The following FLRT2 variants were observed in gnomAD, a reference collection of about 807,000 sequenced individuals.
The protein encoded by FLRT2 is leucine-rich repeat transmembrane protein FLRT2.
A neutral mutation model predicts 40.0 loss-of-function variants in FLRT2; 15 were observed. The observed-to-expected ratio is 0.38, with a 90% CI of 0.25 to 0.58. The LOEUF is 0.58. Among genes scored for constraint, FLRT2 ranks in the 20% least tolerant of loss-of-function variants. The pLI is 0.71. For synonymous variants in FLRT2, 380 were observed against 336.8 expected (o/e 1.13, Z -1.41); for missense variants, 726 against 840.0 (o/e 0.86, Z 1.68).
Position 85,632,136 on chromosome 14 carries a change from T to C in FLRT2, c.*8639T>C, listed in dbSNP as rs1893892219. 6.6e-6 allele frequency: 1 copy of C among 151,518 alleles called. No homozygotes were observed. The highest frequency in any genetic ancestry group is 6.6e-5 in the Admixed American group (1 of 15,196). 9.4% of individuals were successfully genotyped at this position (151,518 alleles called of 1,614,324 possible). On this transcript the variant is annotated 3_prime_UTR_variant, in exon 2 of 2. Transcript: ENST00000330753. ...CCACTGCGCCCAGCCAAGAACATCC[T>C]TTTTATATATTACAGACAAACTCAA...
intron 1 of FLRT2, among the ~76,000 whole-genome samples, chr14:85,581,149 C>T (rs118080258): frequency 0.011 from 1,604 of 152,252 alleles, 8 homozygotes; most frequent in South Asian, 0.014. Flanking sequence ...GAAATTTGCG[C>T]GACCGCCCAC....
intron 1 of FLRT2, among the ~76,000 whole-genome samples, chr14:85,537,225 C>A (rs2139803250): frequency 6.6e-6 from 1 of 152,132 alleles, no homozygotes; most frequent in African/African-American, 2.4e-5. Flanking sequence ...TCAATTTTAG[C>A]CGATTATTTC....
rs543512109 is a variant in FLRT2, at chr14:85,643,726, T to C, written c.*20229T>C. On this transcript the variant is annotated 3_prime_UTR_variant, in exon 2 of 2. Coordinates refer to ENST00000330753, the MANE Select transcript of FLRT2 (RefSeq NM_013231.6). ...TTTCTTTAAGGCATTTATTAATGCA[T>C]TGATGAGGACTCTCCTCTTTTAGAT... 3.0e-4 allele frequency: 45 copies of C among 152,294 alleles called. No individual in the cohort carries two copies. Among genetic ancestry groups the C allele is most frequent in the African/African-American group, 9.9e-4 (41 of 41,542 alleles). The allele number at this position is 152,294 out of a possible 1,614,324, so 9.4% of individuals were successfully genotyped here. A position where few individuals can be genotyped will look rare whatever the true frequency, so the allele number is the denominator to read the frequency against.
intron 1 of FLRT2, among the ~76,000 whole-genome samples, chr14:85,616,935 T>C (rs1950956): frequency 0.46 from 69,880 of 152,050 alleles, 16,941 homozygotes; most frequent in African/African-American, 0.6. Context: ...ATGGGAGAAG[T>C]ATTTTTAGGT....
intron 1 of FLRT2, among the ~76,000 whole-genome samples, chr14:85,597,946 A>T (rs919031112): frequency 6.6e-6 from 1 of 152,150 alleles, no homozygotes; most frequent in Admixed American, 6.5e-5. Context: ...AAAGTGGTTT[A>T]TTTACAGTCA....
At position 85,641,791 on chromosome 14, in the gene FLRT2, T is replaced by C. The variant is rs1469838934; in HGVS notation, c.*18294T>C. The C allele has an allele frequency of 6.6e-6, 1 of 152,168 alleles. No individual in the cohort carries two copies. Among genetic ancestry groups the C allele is most frequent in the East Asian group, 1.9e-4 (1 of 5,190 alleles). The allele number at this position is 152,168 out of a possible 1,614,324, so 9.4% of individuals were successfully genotyped here. On this transcript the variant is annotated 3_prime_UTR_variant, in exon 2 of 2. Transcript: ENST00000330753. Reference sequence around the variant, plus strand: ...TTTGATATTGGTTACCTAAACTGTCTGAATTTGAAAGTAGAGACAATCTTA... The same window carrying C: ...TTTGATATTGGTTACCTAAACTGTCCGAATTTGAAAGTAGAGACAATCTTA...
chr14:85,577,015 T>C (rs968969290), intron 1 of FLRT2, among the ~76,000 whole-genome samples: 2 of 152,244 alleles, frequency 1.3e-5, no homozygotes, highest in Non-Finnish European at 2.9e-5. Context: ...AGGACATTTG[T>C]CAGTGAACTG....
rs1470432591 is a variant in FLRT2, at chr14:85,643,133, A to G, written c.*19636A>G. On this transcript the variant is annotated 3_prime_UTR_variant, in exon 2 of 2. Coordinates refer to ENST00000330753, the MANE Select transcript of FLRT2 (RefSeq NM_013231.6). The stretch of plus-strand genomic sequence containing the variant: ...CCTCCCAAAGGCCTCATCTTCAAAC[A>G]CTATTCCACTCGGGGCTAGGATGTC... The G allele has an allele frequency of 6.6e-6, 1 of 152,042 alleles. No individual in the cohort carries two copies. Among genetic ancestry groups the G allele is most frequent in the Admixed American group, 6.6e-5 (1 of 15,242 alleles). 9.4% of individuals were successfully genotyped at this position (152,042 alleles called of 1,614,324 possible). A position where few individuals can be genotyped will look rare whatever the true frequency, so the allele number is the denominator to read the frequency against.
chr14:85,595,592 T>C (rs1392986368), intron 1 of FLRT2, among the ~76,000 whole-genome samples: 1 of 152,136 alleles, frequency 6.6e-6, no homozygotes, highest in Non-Finnish European at 1.5e-5. Context: ...TGGATTCCTT[T>C]CAAAAATGTG....
rs905025711 is a variant in FLRT2 at position 85,640,354 on chromosome 14, T to C, written c.*16857T>C. The C allele has an allele frequency of 2.0e-5, 3 of 152,186 alleles. No homozygotes were observed. The highest frequency in any genetic ancestry group is 4.8e-5 in the African/African-American group (2 of 41,448). The allele number at this position is 152,186 out of a possible 1,614,324, so 9.4% of individuals were successfully genotyped here. A position where few individuals can be genotyped will look rare whatever the true frequency, so the allele number is the denominator to read the frequency against. On this transcript the variant is annotated 3_prime_UTR_variant, in exon 2 of 2. Transcript: ENST00000330753. ...TGATCCTTCCAAACTGCTGACTACATCTAGAATCATGCAATTATTAGTTTT... is the reference window on the plus strand; with the variant it reads ...TGATCCTTCCAAACTGCTGACTACACCTAGAATCATGCAATTATTAGTTTT...
At chr14:85,606,338 T>C (rs1372473816) in intron 1 of FLRT2, among the ~76,000 whole-genome samples, 1 of 152,148 alleles carries the variant, frequency 6.6e-6, no homozygotes, top group East Asian at 1.9e-4. Context: ...AATTTTCTGC[T>C]ACATATATCC....
intron 1 of FLRT2, among the ~76,000 whole-genome samples, chr14:85,614,044 G>C (rs2753610): frequency 0.73 from 111,289 of 152,110 alleles, 42,245 homozygotes; most frequent in East Asian, 0.88. Context: ...CCAACATAAA[G>C]AGTGTGTGTT....
chr14:85,627,243 G>T lies in FLRT2; in HGVS notation c.*3746G>T. The T allele has an allele frequency of 6.0e-6, 1 of 167,166 alleles. No individual in the cohort carries two copies. 10.4% of individuals were successfully genotyped at this position (167,166 alleles called of 1,614,324 possible). On this transcript the variant is annotated 3_prime_UTR_variant, in exon 2 of 2. Coordinates refer to ENST00000330753, the MANE Select transcript of FLRT2 (RefSeq NM_013231.6). ...AAAACAGTGCCCCAAATGGAAAAAA[G>T]ATACTCACACAGAACAAAACAGTTC...
In FLRT2 at chr14:85,653,535, A is replaced by T. The variant is rs577104932; in HGVS notation, c.*30038A>T. 6.6e-6 allele frequency: 1 copy of T among 152,138 alleles called. No homozygotes were observed. Among genetic ancestry groups the T allele is most frequent in the South Asian group, 2.1e-4 (1 of 4,826 alleles). 9.4% of individuals were successfully genotyped at this position (152,138 alleles called of 1,614,324 possible). ...AAGCTAAAAATACCTCTGCTAGGGGATCTATTAGTATTCTCCACATTGCTA... is the reference window on the plus strand; with the variant it reads ...AAGCTAAAAATACCTCTGCTAGGGGTTCTATTAGTATTCTCCACATTGCTA... On this transcript the variant is annotated 3_prime_UTR_variant, in exon 2 of 2. Coordinates refer to ENST00000330753, the MANE Select transcript of FLRT2 (RefSeq NM_013231.6).
rs545829877 is a variant in FLRT2, at chr14:85,642,491, C to T, written c.*18994C>T. 2.6e-5 allele frequency: 4 copies of T among 152,180 alleles called. No homozygotes were observed. Among genetic ancestry groups the T allele is most frequent in the African/African-American group, 7.2e-5 (3 of 41,498 alleles). 9.4% of individuals were successfully genotyped at this position (152,180 alleles called of 1,614,324 possible). ...TGCCTCCAAGTCTAGAGTTAGAGCT[C>T]GTTCCCAGTGTCTCAGTAGGGCTTA... is the stretch of plus-strand genomic sequence containing the variant. On this transcript the variant is annotated 3_prime_UTR_variant, in exon 2 of 2. Coordinates refer to ENST00000330753, the MANE Select transcript of FLRT2 (RefSeq NM_013231.6).
At chr14:85,546,785 T>A (rs2139818093) in intron 1 of FLRT2, among the ~76,000 whole-genome samples, 1 of 152,294 alleles carries the variant, frequency 6.6e-6, no homozygotes, top group African/African-American at 2.4e-5. Context: ...TCCCTCCAAG[T>A]GCTGAACTCA....
intron 1 of FLRT2, among the ~76,000 whole-genome samples, chr14:85,606,857 T>C (rs1038097437): frequency 2.0e-5 from 3 of 151,388 alleles, no homozygotes; most frequent in Non-Finnish European, 4.4e-5. Flanking sequence ...CTTGGTAGTC[T>C]ATGATAGTGT....
At chr14:85,607,270 G>C (rs1300765863) in intron 1 of FLRT2, among the ~76,000 whole-genome samples, 3 of 152,168 alleles carry the variant, frequency 2.0e-5, no homozygotes, top group African/African-American at 7.2e-5. Context: ...TCTCCTGGAA[G>C]TTTTCCTGCC....
rs1396140156 is a variant in FLRT2 at position 85,615,561 on chromosome 14, T to C, written c.-376-5578T>C. ...TCAGTAAAGAGAAATATCTGCCTAA[T>C]GATCAACTTCCGGGGGCTTGGTTGA... On this transcript the variant is annotated intron_variant, in intron 1 of 1. Coordinates refer to ENST00000330753, the MANE Select transcript of FLRT2 (RefSeq NM_013231.6). 3.3e-5 allele frequency among the ~76,000 whole-genome samples: 5 copies of C among 152,274 alleles called. No individual in the cohort carries two copies. In the East Asian group the frequency reaches 7.7e-4, roughly 24 times the overall value.
Sources: gnomAD v4.1 joint callset for allele counts (sites outside exome capture counted in the v4.1 genomes callset) on GRCh38, gnomAD v4.1.1 for gene constraint, MANE v1.5 for transcripts, NCBI Gene and HGNC (gene_info 2026-07-23, HGNC 2026-07-21) for gene names.